SUGCT: variants seen among roughly 807,000 people sequenced by gnomAD.
SUGCT encodes the protein succinyl-CoA:glutarate-CoA transferase.
SUGCT carries 41 observed loss-of-function variants against 55.0 expected under a neutral mutation model. That is an observed-to-expected ratio of 0.74 (90% CI 0.58 to 0.97). SUGCT has a LOEUF of 0.97. Among genes scored for constraint, SUGCT ranks in the 50% least tolerant of loss-of-function variants. The pLI is 0.00. For synonymous variants in SUGCT, 187 were observed against 200.4 expected (o/e 0.93, Z 0.56); for missense variants, 568 against 547.8 (o/e 1.04, Z -0.37).
intron 8 of SUGCT, among the ~76,000 whole-genome samples, chr7:40,302,445 A>C (rs1794592237): frequency 6.6e-6 from 1 of 152,198 alleles, no homozygotes; most frequent in African/African-American, 2.4e-5. Context: ...CCAACAACAC[A>C]AACTATGATT....
At chr7:40,800,388 A>G (rs1369168576) in intron 13 of SUGCT, among the ~76,000 whole-genome samples, 1 of 151,364 alleles carries the variant, frequency 6.6e-6, no homozygotes, top group African/African-American at 2.4e-5. Context: ...TCCTGGGTTC[A>G]AGTGATTCTC....
chr7:40,137,472 C>T (rs995597108), intron 1 of SUGCT, among the ~76,000 whole-genome samples: 5 of 152,006 alleles, frequency 3.3e-5, no homozygotes, highest in East Asian at 1.9e-4. Flanking sequence ...AACTGATGGA[C>T]GCCTAATGAG....
chr7:40,465,130 T>G (rs948746822), intron 11 of SUGCT, among the ~76,000 whole-genome samples: 2 of 152,214 alleles, frequency 1.3e-5, no homozygotes, highest in Non-Finnish European at 2.9e-5. Flanking sequence ...GGCAATTCCT[T>G]TAGTAAAATA....
At chr7:40,410,704 T>TA (rs1307242974) in intron 9 of SUGCT, among the ~76,000 whole-genome samples, 1 of 152,226 alleles carries the variant, frequency 6.6e-6, no homozygotes, top group African/African-American at 2.4e-5. Flanking sequence ...GCATATTTTG[T>TA]AAGTCCTTAC....
intron 9 of SUGCT, among the ~76,000 whole-genome samples, chr7:40,376,990 T>C (rs1016769537): frequency 1.3e-5 from 2 of 151,596 alleles, no homozygotes; most frequent in East Asian, 1.9e-4. Flanking sequence ...TCTAATGGTC[T>C]TCATGGTTTT....
intron 9 of SUGCT, among the ~76,000 whole-genome samples, chr7:40,337,440 G>C (rs1307804207): frequency 6.6e-6 from 1 of 152,198 alleles, no homozygotes; most frequent in Non-Finnish European, 1.5e-5. Flanking sequence ...TCCTGTATTG[G>C]ATGCATATAT....
intron 9 of SUGCT, among the ~76,000 whole-genome samples, chr7:40,438,586 A>G (rs754070900): frequency 1.3e-5 from 2 of 152,112 alleles, no homozygotes; most frequent in Admixed American, 6.6e-5. Flanking sequence ...CTGTGAGGCA[A>G]TGCTTGGTTT....
At chr7:40,186,973 T>C (rs1785550573) in intron 3 of SUGCT, among the ~76,000 whole-genome samples, 1 of 152,184 alleles carries the variant, frequency 6.6e-6, no homozygotes. Flanking sequence ...ATTTTAAGAA[T>C]TGTGCAGGTC....
At chr7:40,963,494 C>G in the SUGCT span, among the ~76,000 whole-genome samples, 15 of 152,158 alleles carry the variant, frequency 9.9e-5, no homozygotes, top group Non-Finnish European at 1.9e-4. Context: ...ACCTGAATAG[C>G]AGGATATGCT....
At chr7:40,942,733 T>A in the SUGCT span, among the ~76,000 whole-genome samples, 1 of 151,686 alleles carries the variant, frequency 6.6e-6, no homozygotes, top group Non-Finnish European at 1.5e-5. Context: ...AATGCCATAT[T>A]TCTTGGAGAC....
At position 40,562,254 on chromosome 7, in the gene SUGCT, G is replaced by A. The variant is rs1237579842; in HGVS notation, c.1089+65868G>A. 4.6e-5 allele frequency among the ~76,000 whole-genome samples: 7 copies of A among 150,772 alleles called. No homozygotes were observed. In the South Asian group the frequency reaches 1.3e-3, roughly 27 times the overall value. ...GCGGAGCTTGCAGTGAGTCGAGATCGCGTGACTGCACTCCAGCCTGGGCGA... is the reference window on the plus strand; with the variant it reads ...GCGGAGCTTGCAGTGAGTCGAGATCACGTGACTGCACTCCAGCCTGGGCGA... On this transcript the variant is annotated intron_variant, in intron 12 of 13. Transcript: ENST00000335693.
chr7:40,621,455 T>C (rs1799261026), intron 12 of SUGCT, among the ~76,000 whole-genome samples: 1 of 151,704 alleles, frequency 6.6e-6, no homozygotes, highest in Non-Finnish European at 1.5e-5. Flanking sequence ...CAGGGAAGAG[T>C]GGGTTGGAGT....
intron 13 of SUGCT, among the ~76,000 whole-genome samples, chr7:40,846,570 C>T (rs1793566783): frequency 6.6e-6 from 1 of 152,092 alleles, no homozygotes; most frequent in Non-Finnish European, 1.5e-5. Flanking sequence ...TGGGTTGGAA[C>T]AAGATAGATA....
At chr7:40,836,151 A>T (rs1481584623) in intron 13 of SUGCT, among the ~76,000 whole-genome samples, 1 of 151,912 alleles carries the variant, frequency 6.6e-6, no homozygotes, top group African/African-American at 2.4e-5. Flanking sequence ...CTCTCAACTC[A>T]GCCTCCTAAA....
chr7:40,834,575 G>T (rs551587505), intron 13 of SUGCT, among the ~76,000 whole-genome samples: 1 of 152,144 alleles, frequency 6.6e-6, no homozygotes, highest in Non-Finnish European at 1.5e-5. Flanking sequence ...AAAAGTAGAT[G>T]CATAATATCT....
intron 12 of SUGCT, among the ~76,000 whole-genome samples, chr7:40,568,990 A>G (rs781400541): frequency 6.6e-6 from 1 of 152,178 alleles, no homozygotes; most frequent in Non-Finnish European, 1.5e-5. Context: ...ATAAATAATA[A>G]CACCTACCTT....
At chr7:40,249,509 T>C (rs977410026) in intron 7 of SUGCT, among the ~76,000 whole-genome samples, 22 of 150,570 alleles carry the variant, frequency 1.5e-4, no homozygotes, top group Middle Eastern at 3.5e-3. Flanking sequence ...ATAAATATTA[T>C]AGAAATTATG....
At chr7:40,906,876 A>G in the SUGCT span, among the ~76,000 whole-genome samples, 4 of 152,136 alleles carry the variant, frequency 2.6e-5, no homozygotes, top group African/African-American at 4.8e-5. Context: ...ATTTTTAAGA[A>G]CGCTCTATAA....
rs928525422 is a variant in SUGCT, at chr7:40,836,905, G to A, written c.1154-23411G>A. On this transcript the variant is annotated intron_variant, in intron 13 of 13. Transcript: ENST00000335693. ...TTGCATTACATATGAACATTCATGA[G>A]CAGATTTCTGAGTAAATTCAAGTTT... Among the ~76,000 whole-genome samples the A allele has an allele frequency of 2.0e-5, 3 of 151,964 alleles. No homozygotes were observed. In the East Asian group the frequency reaches 5.8e-4, roughly 29 times the overall value.
Sources: allele counts gnomAD v4.1 joint callset (sites outside exome capture counted in the v4.1 genomes callset), GRCh38; gene constraint gnomAD v4.1.1; transcripts MANE v1.5; gene names NCBI Gene and HGNC (gene_info 2026-07-23, HGNC 2026-07-21).